ZNF345: variants seen among roughly 807,000 people sequenced by gnomAD.
ZNF345 encodes zinc finger protein HZF10.
For missense variants in ZNF345, 527 were observed against 589.9 expected (o/e 0.89, Z 1.10); for synonymous variants, 166 against 187.9 (o/e 0.88, Z 0.95).
chr19:36,867,906 T>A (rs542685719), intron 2 of ZNF345, among the ~76,000 whole-genome samples: 1 of 152,208 alleles, frequency 6.6e-6, no homozygotes, highest in East Asian at 1.9e-4. Flanking sequence ...TTTACAATTG[T>A]AAGAAGAGAG....
intron 2 of ZNF345, among the ~76,000 whole-genome samples, chr19:36,857,576 T>C (rs1039896974): frequency 6.6e-6 from 1 of 152,216 alleles, no homozygotes; most frequent in Non-Finnish European, 1.5e-5. Context: ...CCCAAAGTGC[T>C]GGGATTACAG....
intron 2 of ZNF345, among the ~76,000 whole-genome samples, chr19:36,862,088 C>T (rs1247610951): frequency 5.3e-5 from 8 of 151,222 alleles, no homozygotes; most frequent in Admixed American, 2.6e-4. Flanking sequence ...CTCAAATTCC[C>T]GACCTCAGGT....
intron 2 of ZNF345, among the ~76,000 whole-genome samples, chr19:36,859,159 TTTG>T (rs1367294316): frequency 1.3e-5 from 2 of 152,000 alleles, no homozygotes; most frequent in South Asian, 2.1e-4. Context: ...TGGTTTTTTT[TTTG>T]TTGTTGTTGA....
At chr19:36,887,208 A>AC (rs1460042932) in intron 3 of ZNF345, among the ~76,000 whole-genome samples, 2 of 151,960 alleles carry the variant, frequency 1.3e-5, no homozygotes, top group East Asian at 1.9e-4. Context: ...AACAACAACA[A>AC]AAAAAACAAG....
chr19:36,869,195 C>T (rs993410776), intron 2 of ZNF345, among the ~76,000 whole-genome samples: 1 of 152,024 alleles, frequency 6.6e-6, no homozygotes, highest in Non-Finnish European at 1.5e-5. Context: ...CTCCCCCTCC[C>T]CCCTTCATTT....
intron 2 of ZNF345, chr19:36,872,898 A>G (rs2072799130): frequency 6.6e-6 from 1 of 152,198 alleles, no homozygotes; most frequent in Admixed American, 6.5e-5. Context: ...AGGATCCTGA[A>G]TCTTTTATCC....
Position 36,877,318 on chromosome 19 carries a change from G to T in ZNF345, c.488G>T (p.Arg163Leu), listed in dbSNP as rs372890982. Residue 163 changes from arginine (R) to leucine (L), a missense_variant, in exon 3 of 3, where the codon CGA becomes CTA. Coordinates refer to ENST00000420450, the MANE Select transcript of ZNF345 (RefSeq NM_001242472.2). ...TTTAGTTTTGGATCAGGCCTTATTC[G>T]ACATCAGATCATTCACAGTGGTGAG... ...KAFSFGSGLI[R>L]HQIIHSGEKP... 6 of 1,613,036 alleles carry T rather than the reference G, an allele frequency of 3.7e-6. No individual in the cohort carries two copies. The highest frequency in any genetic ancestry group is 5.1e-6 in the Non-Finnish European group (6 of 1,179,730).
intron 2 of ZNF345, among the ~76,000 whole-genome samples, chr19:36,855,784 C>G (rs918018066): frequency 5.9e-5 from 9 of 152,280 alleles, no homozygotes; most frequent in Admixed American, 5.9e-4. Context: ...TTTCTCTTCC[C>G]GACCTATCAC....
At chr19:36,886,167 G>A (rs1280961982) in intron 3 of ZNF345, among the ~76,000 whole-genome samples, 1 of 152,134 alleles carries the variant, frequency 6.6e-6, no homozygotes, top group African/African-American at 2.4e-5. Flanking sequence ...TAAATAAATG[G>A]AGAAGAGATA....
intron 2 of ZNF345, among the ~76,000 whole-genome samples, chr19:36,862,120 C>T (rs1463752502): frequency 6.6e-6 from 1 of 152,084 alleles, no homozygotes; most frequent in Non-Finnish European, 1.5e-5. Flanking sequence ...CTCAGCCTCC[C>T]AAAGTGCTGG....
At chr19:36,862,849 C>T (rs916810748) in intron 2 of ZNF345, 2 of 151,918 alleles carry the variant, frequency 1.3e-5, no homozygotes, top group African/African-American at 4.8e-5. Flanking sequence ...GGAAACAGGG[C>T]CTTTAATTCA....
chr19:36,877,569 C>G lies in ZNF345; in HGVS notation c.739C>G (p.Arg247Gly). Residue 247 changes from arginine (R) to glycine (G), a missense_variant, in exon 3 of 3, where the codon CGG becomes GGG. Transcript: ENST00000420450. ...MAFSSGSALT[R>G]HQRIHTGEKP... Reference sequence around the variant, plus strand: ...CTTTAGCAGTGGTTCGGCTCTTACTCGGCATCAGAGAATTCATACCGGTGA... The same window carrying G: ...CTTTAGCAGTGGTTCGGCTCTTACTGGGCATCAGAGAATTCATACCGGTGA... 6.2e-7 allele frequency: 1 copy of G among 1,614,044 alleles called. No homozygotes were observed. The highest frequency in any genetic ancestry group is 8.5e-7 in the Non-Finnish European group (1 of 1,180,014).
At chr19:36,888,236 CTTGT>C (rs1188394120) in intron 3 of ZNF345, 1 of 152,136 alleles carries the variant, frequency 6.6e-6, no homozygotes, top group African/African-American at 2.4e-5. Context: ...ATTGTGCTGT[CTTGT>C]TTGATCAAAA....
downstream of ZNF345, among the ~76,000 whole-genome samples, chr19:36,883,046 A>G (rs2072977838): frequency 6.6e-6 from 1 of 152,174 alleles, no homozygotes. Context: ...TCTAATATTG[A>G]AAATTCTGCT....
intron 2 of ZNF345, among the ~76,000 whole-genome samples, chr19:36,869,280 A>T (rs2146180188): frequency 6.6e-6 from 1 of 152,252 alleles, no homozygotes; most frequent in African/African-American, 2.4e-5. Context: ...AAAGATAAGG[A>T]TACAAATTAG....
chr19:36,887,717 G>C (rs1309878276), intron 3 of ZNF345, among the ~76,000 whole-genome samples: 1 of 152,094 alleles, frequency 6.6e-6, no homozygotes, highest in Non-Finnish European at 1.5e-5. Context: ...GACATGCTAG[G>C]CTAAAAGTCA....
intron 3 of ZNF345, among the ~76,000 whole-genome samples, chr19:36,887,300 C>A (rs1288321996): frequency 6.6e-6 from 1 of 151,800 alleles, no homozygotes; most frequent in Non-Finnish European, 1.5e-5. Flanking sequence ...AATGCTGGAA[C>A]AGAAAAAGGA....
intron 3 of ZNF345, among the ~76,000 whole-genome samples, chr19:36,886,714 G>A (rs982845148): frequency 9.9e-5 from 15 of 151,750 alleles, no homozygotes; most frequent in South Asian, 4.2e-4. Context: ...GGGGCCGGGC[G>A]CGGTGGCTCA....
chr19:36,852,164 C>T (rs1470242114), intron 2 of ZNF345, among the ~76,000 whole-genome samples: 1 of 122,712 alleles, frequency 8.1e-6, no homozygotes, highest in African/African-American at 3.2e-5. Context: ...GAATTACAGG[C>T]GTGAGCTGCT....
Sources: allele counts gnomAD v4.1 joint callset (sites outside exome capture counted in the v4.1 genomes callset), GRCh38; gene constraint gnomAD v4.1.1; transcripts MANE v1.5; gene names NCBI Gene and HGNC (gene_info 2026-07-23, HGNC 2026-07-21).